RNF217: variants seen among roughly 807,000 people sequenced by gnomAD.
The protein encoded by RNF217 is ring finger protein 217.
RNF217 carries 31 observed loss-of-function variants against 57.8 expected under a neutral mutation model. The ratio of observed to expected loss-of-function variants is 0.54; its 90% CI spans 0.40 to 0.72. The LOEUF is 0.72. RNF217 is among the 30% of genes least tolerant of loss of function. The pLI is 0.00. For synonymous variants in RNF217, 313 were observed against 294.0 expected, an observed-to-expected ratio of 1.06 and a Z score of -0.66; for missense variants, 696 against 708.3, an observed-to-expected ratio of 0.98 and a Z score of 0.20.
At chr6:125,039,251 A>AG (rs1234143269) in intron 1 of RNF217, among the ~76,000 whole-genome samples, 2 of 151,968 alleles carry the variant, frequency 1.3e-5, no homozygotes, top group Non-Finnish European at 2.9e-5. Context: ...TTTTAAAAAA[A>AG]TTTTACTTTA....
chr6:125,008,297 A>C (rs923317085), intron 1 of RNF217, among the ~76,000 whole-genome samples: 10 of 152,090 alleles, frequency 6.6e-5, no homozygotes, highest in African/African-American at 2.2e-4. Context: ...CTCTCAAAAT[A>C]TCTTACAGTA....
At chr6:124,997,874 G>A (rs1784811774) in intron 1 of RNF217, among the ~76,000 whole-genome samples, 2 of 151,916 alleles carry the variant, frequency 1.3e-5, no homozygotes. Flanking sequence ...TCATCCTGTA[G>A]TATCCCTTTG....
At chr6:124,970,863 A>C (rs1783735148) in intron 1 of RNF217, among the ~76,000 whole-genome samples, 1 of 152,224 alleles carries the variant, frequency 6.6e-6, no homozygotes, top group African/African-American at 2.4e-5. Context: ...CAGTGTTTTA[A>C]AAGGGATAAT....
Position 124,962,985 on chromosome 6 carries a change from G to A in RNF217, c.441G>A (p.Leu147=), listed in dbSNP as rs1275236444. Residue 147 remains leucine (L), a synonymous_variant, in exon 1 of 6, where the codon CTG becomes CTA. Transcript: ENST00000521654. The surrounding 1 kb of genome is among the most constrained non-coding windows in gnomAD (Gnocchi z 4.6). ...TRVGAADGLV[L]DVLGQRRPSL... Reference sequence around the variant, plus strand: ...TGGGGGCCGCCGACGGACTGGTCCTGGACGTGCTGGGTCAGCGGCGCCCGT... The same window carrying A: ...TGGGGGCCGCCGACGGACTGGTCCTAGACGTGCTGGGTCAGCGGCGCCCGT... 6.3e-7 allele frequency: 1 copy of A among 1,597,040 alleles called. No homozygotes were observed. Among genetic ancestry groups the A allele is most frequent in the Non-Finnish European group, 8.5e-7 (1 of 1,179,254 alleles).
chr6:125,052,563 A>G (rs1412500068), intron 2 of RNF217, among the ~76,000 whole-genome samples: 3 of 152,052 alleles, frequency 2.0e-5, no homozygotes, highest in East Asian at 3.9e-4. Context: ...AGGGAGTAAG[A>G]TTAAAGACAA....
At chr6:124,964,360 C>T (rs1458064338) in intron 1 of RNF217, among the ~76,000 whole-genome samples, 4 of 152,180 alleles carry the variant, frequency 2.6e-5, no homozygotes, top group Non-Finnish European at 5.9e-5. Flanking sequence ...TATACTTTCA[C>T]AGTATCTTAT....
At chr6:125,022,842 A>G (rs1024745568) in intron 1 of RNF217, among the ~76,000 whole-genome samples, 2 of 151,976 alleles carry the variant, frequency 1.3e-5, no homozygotes, top group East Asian at 1.9e-4. Context: ...TTTGTCACCT[A>G]TGTCCCTGCT....
chr6:125,020,292 T>C (rs1405038767), intron 1 of RNF217, among the ~76,000 whole-genome samples: 2 of 152,152 alleles, frequency 1.3e-5, no homozygotes, highest in Non-Finnish European at 2.9e-5. Flanking sequence ...CCAAGACAAA[T>C]AGAATGTGGT....
At chr6:125,079,413 C>T (rs1373029614) in intron 4 of RNF217, among the ~76,000 whole-genome samples, 3 of 150,196 alleles carry the variant, frequency 2.0e-5, no homozygotes, top group South Asian at 4.2e-4. Context: ...AACAATGGAG[C>T]CTTCTCCAAA....
chr6:125,044,317 T>G (rs1280628434), intron 1 of RNF217, among the ~76,000 whole-genome samples: 1 of 152,084 alleles, frequency 6.6e-6, no homozygotes, highest in Non-Finnish European at 1.5e-5. Flanking sequence ...GAGTTATTGT[T>G]CACTACTTAC....
chr6:125,008,255 C>CAA (rs111356425), intron 1 of RNF217, among the ~76,000 whole-genome samples: 3 of 137,778 alleles, frequency 2.2e-5, no homozygotes, highest in African/African-American at 2.6e-5. Flanking sequence ...GACTCTGTCT[C>CAA]AAAAAAAAAA....
chr6:125,016,325 A>G (rs1785600684), intron 1 of RNF217, among the ~76,000 whole-genome samples: 1 of 152,240 alleles, frequency 6.6e-6, no homozygotes. Flanking sequence ...AGAGAAAAAC[A>G]TCAGAAGCTT....
intron 1 of RNF217, among the ~76,000 whole-genome samples, chr6:125,038,912 G>T (rs1786761040): frequency 6.6e-6 from 1 of 152,020 alleles, no homozygotes; most frequent in Admixed American, 6.6e-5. Context: ...ATGGTGGTTT[G>T]CTGCAACTAT....
chr6:124,981,396 A>C (rs1002093786), intron 1 of RNF217, among the ~76,000 whole-genome samples: 4 of 152,312 alleles, frequency 2.6e-5, no homozygotes, highest in African/African-American at 9.6e-5. Flanking sequence ...GTCGGGGTAC[A>C]GCTTGCTTTT....
intron 5 of RNF217, chr6:125,082,457 A>AT: frequency 6.2e-7 from 1 of 1,610,396 alleles, no homozygotes; most frequent in Non-Finnish European, 8.5e-7. Flanking sequence ...AGTTGAGGAA[A>AT]TTAAGACTTA....
chr6:124,985,193 G>A (rs1349552262), intron 1 of RNF217, among the ~76,000 whole-genome samples: 2 of 152,314 alleles, frequency 1.3e-5, no homozygotes. Context: ...AAAAAGGGAT[G>A]TTCACACACT....
chr6:124,965,409 A>G (rs1055226000), intron 1 of RNF217, among the ~76,000 whole-genome samples: 1 of 152,086 alleles, frequency 6.6e-6, no homozygotes, highest in Non-Finnish European at 1.5e-5. Context: ...CCCCGTCTCT[A>G]CTAAAAATAC....
chr6:124,993,108 T>G (rs1784623442), intron 1 of RNF217, among the ~76,000 whole-genome samples: 1 of 152,180 alleles, frequency 6.6e-6, no homozygotes. Context: ...TAAAATATAC[T>G]TGATATATGA....
intron 1 of RNF217, among the ~76,000 whole-genome samples, chr6:124,964,765 T>C (rs1266225184): frequency 6.6e-6 from 1 of 152,226 alleles, no homozygotes; most frequent in East Asian, 1.9e-4. Flanking sequence ...CTGGTTGTGG[T>C]AGTTTCTGTA....
Sources: allele counts gnomAD v4.1 joint callset (sites outside exome capture counted in the v4.1 genomes callset), GRCh38; gene constraint gnomAD v4.1.1; non-coding constraint Gnocchi (gnomAD v3.1); transcripts MANE v1.5; gene names NCBI Gene and HGNC (gene_info 2026-07-23, HGNC 2026-07-21).